The following CYS1 variants were observed in gnomAD, a reference collection of about 807,000 sequenced individuals.
CYS1 encodes the protein cystin 1.
In CYS1, 5 loss-of-function variants were observed where a neutral mutation model predicts 9.6. The ratio of observed to expected loss-of-function variants is 0.52; its 90% CI spans 0.27 to 1.10. CYS1 has a LOEUF of 1.10. CYS1 is among the 50% of genes least tolerant of loss of function. CYS1 has a pLI of 0.11. For synonymous variants in CYS1, 88 were observed against 95.7 expected (o/e 0.92, Z 0.47); for missense variants, 221 against 207.9 (o/e 1.06, Z -0.39).
intron 1 of CYS1, among the ~76,000 whole-genome samples, chr2:10,067,022 T>C (rs1270269712): frequency 2.6e-5 from 4 of 152,212 alleles, no homozygotes; most frequent in African/African-American, 7.2e-5. Context: ...TTATTTTATT[T>C]ATTTATTTTT....
intron 1 of CYS1, among the ~76,000 whole-genome samples, chr2:10,078,887 TC>T (rs1212115339): frequency 3.9e-5 from 6 of 152,194 alleles, no homozygotes; most frequent in Admixed American, 3.3e-4. Context: ...GCTATTTGCC[TC>T]TCATTTTCAC....
chr2:10,067,933 T>C (rs1471003489), intron 1 of CYS1, among the ~76,000 whole-genome samples: 1 of 152,182 alleles, frequency 6.6e-6, no homozygotes, highest in Non-Finnish European at 1.5e-5. Context: ...GACAGTCATC[T>C]CTATCTTAAT....
chr2:10,068,562 T>G (rs2125289657), intron 1 of CYS1, among the ~76,000 whole-genome samples: 1 of 152,194 alleles, frequency 6.6e-6, no homozygotes, highest in Admixed American at 6.5e-5. Context: ...GAATTTAGGC[T>G]GCAAACATAA....
chr2:10,072,680 A>C (rs1372877794), intron 1 of CYS1, among the ~76,000 whole-genome samples: 1 of 152,224 alleles, frequency 6.6e-6, no homozygotes, highest in Non-Finnish European at 1.5e-5. Context: ...TACAGTAGAG[A>C]AACTCCTACA....
chr2:10,061,275 G>A (rs1488592594), intron 2 of CYS1, among the ~76,000 whole-genome samples: 1 of 150,910 alleles, frequency 6.6e-6, no homozygotes, highest in African/African-American at 2.5e-5. Flanking sequence ...CAAAAAGGCA[G>A]AGTAAGGGAC....
At chr2:10,077,124 C>A (rs1371948064) in intron 1 of CYS1, among the ~76,000 whole-genome samples, 3 of 152,100 alleles carry the variant, frequency 2.0e-5, no homozygotes, top group African/African-American at 7.2e-5. Context: ...AGTCACCCCA[C>A]TAGTGAGTCC....
rs1661918206 is a variant in CYS1, at chr2:10,079,981, C to G, written c.243G>C (p.Ser81=). Residue 81 remains serine, a synonymous_variant, in exon 1 of 3, where the codon TCG becomes TCC. Coordinates refer to ENST00000381813, the MANE Select transcript of CYS1 (RefSeq NM_001037160.3). ...LRLLDELLAE[S]AAWGPPEPAP... ...CGGGCTCCGGGGGGCCCCAGGCCGC[C>G]GACTCGGCCAGCAGCTCGTCCAGCA... 1 of 1,100,192 alleles carries G rather than the reference C, an allele frequency of 9.1e-7. No homozygotes were observed. The highest frequency in any genetic ancestry group is 1.1e-6 in the Non-Finnish European group (1 of 904,552). 68.2% of individuals were successfully genotyped at this position (1,100,192 alleles called of 1,614,324 possible).
chr2:10,066,057 C>T (rs1006291777), intron 1 of CYS1, 101 bp from the exon 2 acceptor site: 18 of 1,336,894 alleles, frequency 1.3e-5, no homozygotes, highest in African/African-American at 8.6e-5. Context: ...CCACTTTCAA[C>T]CCAGGATCCA....
At chr2:10,071,389 G>A (rs1264204211) in intron 1 of CYS1, among the ~76,000 whole-genome samples, 1 of 152,174 alleles carries the variant, frequency 6.6e-6, no homozygotes, top group Non-Finnish European at 1.5e-5. Context: ...CAGGGGGCTT[G>A]GAATGCCTGG....
intron 2 of CYS1, among the ~76,000 whole-genome samples, chr2:10,064,492 C>G (rs1053521725): frequency 6.6e-6 from 1 of 152,070 alleles, no homozygotes; most frequent in Non-Finnish European, 1.5e-5. Flanking sequence ...CCCTCTGCAG[C>G]AGCTTCTAAC....
intron 1 of CYS1, among the ~76,000 whole-genome samples, chr2:10,078,033 G>A (rs981319297): frequency 2.6e-5 from 4 of 151,832 alleles, no homozygotes; most frequent in African/African-American, 9.7e-5. Flanking sequence ...TTGAACCTGG[G>A]AGGCACAGGT....
At chr2:10,066,036 G>A in intron 1 of CYS1, 80 bp from the exon 2 acceptor site, 1 of 1,495,540 alleles carries the variant, frequency 6.7e-7, no homozygotes, top group Admixed American at 1.7e-5. Flanking sequence ...TGTGTGGACA[G>A]ACGATGGCCA....
chr2:10,073,641 G>C lies in CYS1; in HGVS notation c.318+6265C>G, dbSNP rs577281016. ...GGGTAATGGGCTCACGGCATTTAGG[G>C]GCAGAAGGGCCTGTGTTGTGCACAA... is the stretch of plus-strand genomic sequence containing the variant. On this transcript the variant is annotated intron_variant, in intron 1 of 2. Transcript: ENST00000381813. Among the ~76,000 whole-genome samples, 5 of 116,652 alleles carry C rather than the reference G, an allele frequency of 4.3e-5. No individual in the cohort carries two copies. The East Asian group carries it at 9.7e-4, about 23-fold the overall frequency. The allele number at this position is 116,652 out of a possible 152,430, so 76.5% of individuals were successfully genotyped here.
intron 1 of CYS1, among the ~76,000 whole-genome samples, chr2:10,073,403 A>C (rs566819879): frequency 6.6e-6 from 1 of 152,166 alleles, no homozygotes; most frequent in African/African-American, 2.4e-5. Context: ...CTGACCTGCA[A>C]ACAGGCACCC....
chr2:10,077,038 G>A (rs576155892), intron 1 of CYS1, among the ~76,000 whole-genome samples: 68 of 152,052 alleles, frequency 4.5e-4, no homozygotes, highest in African/African-American at 1.5e-3. Context: ...GTCTGTTCAC[G>A]GCAGCTACAT....
Position 10,058,941 on chromosome 2 carries a change from C to T in CYS1, c.389G>A (p.Arg130His), listed in dbSNP as rs867721308. The change falls in exon 3 of 3, where the codon CGC becomes CAC. Residue 130 changes from arginine to histidine, a missense_variant. Arg to His is a conservative substitution (Grantham distance 29). Transcript: ENST00000381813. The part of the protein sequence containing the change: ...GNVSEAPGSG[R>H]KKPERPAAIS... ...GGCTGCCGGCCTCTCGGGCTTCTTG[C>T]GACCGCTGCCTGGGGCTCTGTGGGT... is the stretch of plus-strand genomic sequence containing the variant. The T allele has an allele frequency of 1.9e-6, 3 of 1,588,570 alleles. No individual in the cohort carries two copies. Among genetic ancestry groups the T allele is most frequent in the Non-Finnish European group, 2.6e-6 (3 of 1,168,008 alleles).
In CYS1 at chr2:10,080,053, G is replaced by GT. The variant is rs1661919772; in HGVS notation, c.170dup (p.Asp57GlufsTer68). The GT allele has an allele frequency of 4.3e-5, 45 of 1,046,410 alleles. No individual in the cohort carries two copies. The highest frequency in any genetic ancestry group is 4.9e-5 in the Non-Finnish European group (43 of 871,084). The allele number at this position is 1,046,410 out of a possible 1,614,324, so 64.8% of individuals were successfully genotyped here. ...CGTCGGGGGGCGCCACGGGGCTGGGGTCGCGGCCGGGCGCCTCCTCCGCGG... is the reference window on the plus strand; with the variant it reads ...CGTCGGGGGGCGCCACGGGGCTGGGGTTCGCGGCCGGGCGCCTCCTCCGCGG... On this transcript the variant is annotated frameshift_variant, in exon 1 of 3. Transcript: ENST00000381813. LOFTEE classifies it high-confidence loss of function. The surrounding 1 kb of genome is among the most constrained non-coding windows in gnomAD (Gnocchi z 6.4).
chr2:10,074,084 GGC>G (rs1661811685), intron 1 of CYS1, among the ~76,000 whole-genome samples: 2 of 152,180 alleles, frequency 1.3e-5, no homozygotes, highest in South Asian at 4.2e-4. Context: ...TTCCAGGCTT[GGC>G]ATCCTTCCCC....
chr2:10,080,027 C>T lies in CYS1; in HGVS notation c.197G>A (p.Gly66Asp). 1 of 1,068,256 alleles carries T rather than the reference C, an allele frequency of 9.4e-7. No individual in the cohort carries two copies. Among genetic ancestry groups the T allele is most frequent in the Non-Finnish European group, 1.1e-6 (1 of 884,398 alleles). The allele number at this position is 1,068,256 out of a possible 1,614,324, so 66.2% of individuals were successfully genotyped here. ...RDPSPVAPPD[G>D]RDETLRLLDE... ...CAGCAGGCGCAGCGTCTCGTCCCTG[C>T]CGTCGGGGGGCGCCACGGGGCTGGG... is the stretch of plus-strand genomic sequence containing the variant. The change falls in exon 1 of 3, where the codon GGC (glycine) becomes GAC (aspartate). Residue 66 changes from glycine to aspartate, a missense_variant. Gly to Asp is a moderately conservative substitution (Grantham distance 94). Coordinates refer to ENST00000381813, the MANE Select transcript of CYS1 (RefSeq NM_001037160.3). This position sits in a 1 kb window ranked among gnomAD's most constrained non-coding sequence, Gnocchi z 6.4.
Sources: allele counts gnomAD v4.1 joint callset (sites outside exome capture counted in the v4.1 genomes callset), GRCh38; gene constraint gnomAD v4.1.1; non-coding constraint Gnocchi (gnomAD v3.1); transcripts MANE v1.5; gene names NCBI Gene and HGNC (gene_info 2026-07-23, HGNC 2026-07-21).